Variants in CCDC171 observed in about 807,000 individuals in gnomAD.
The protein encoded by CCDC171 is coiled-coil domain containing 171.
A neutral mutation model predicts 168.2 loss-of-function variants in CCDC171; 177 were observed. The ratio of observed to expected loss-of-function variants is 1.05; its 90% CI spans 0.93 to 1.19. The LOEUF is 1.19. CCDC171 is among the 50% of genes most tolerant of loss of function. The pLI, the probability that CCDC171 is intolerant of heterozygous loss-of-function variation, is 0.00. For missense variants in CCDC171, 1,991 were observed against 1,539.0 expected (o/e 1.29, Z -4.91); for synonymous variants, 687 against 540.8 (o/e 1.27, Z -3.75).
intron 7 of CCDC171, among the ~76,000 whole-genome samples, chr9:15,633,043 A>G (rs1564097199): frequency 6.6e-6 from 1 of 152,198 alleles, no homozygotes; most frequent in Non-Finnish European, 1.5e-5. Flanking sequence ...AAAGACTTAA[A>G]CGTTAGACCT....
At chr9:15,808,345 A>T (rs1014291030) in intron 21 of CCDC171, among the ~76,000 whole-genome samples, 1 of 152,230 alleles carries the variant, frequency 6.6e-6, no homozygotes, top group Non-Finnish European at 1.5e-5. Context: ...GCTTAGATGT[A>T]TGCCTTCAAA....
chr9:15,594,890 C>G (rs953568107), intron 6 of CCDC171, among the ~76,000 whole-genome samples: 3 of 152,084 alleles, frequency 2.0e-5, no homozygotes, highest in Non-Finnish European at 4.4e-5. Context: ...GAAAAAAACC[C>G]ATGAATCAAC....
At chr9:15,991,140 A>G (rs1832182335) in intron 3 of CCDC171, among the ~76,000 whole-genome samples, 1 of 152,206 alleles carries the variant, frequency 6.6e-6, no homozygotes, top group Admixed American at 6.5e-5. Flanking sequence ...TCAGCACCAC[A>G]TCGCACTTAT....
chr9:15,910,359 C>G (rs1823440530), intron 24 of CCDC171, among the ~76,000 whole-genome samples: 1 of 152,074 alleles, frequency 6.6e-6, no homozygotes, highest in South Asian at 2.1e-4. Flanking sequence ...TTGACTTTGT[C>G]AAAGATCAGT....
At chr9:16,008,666 G>A (rs1002487319) in intron 3 of CCDC171, among the ~76,000 whole-genome samples, 3 of 152,074 alleles carry the variant, frequency 2.0e-5, no homozygotes, top group East Asian at 1.9e-4. Flanking sequence ...TCCTTGCATC[G>A]CTGGGCCCCA....
At position 15,654,663 on chromosome 9, in the gene CCDC171, AG is replaced by A. The variant is rs145055943; in HGVS notation, c.823-2459del. Among the ~76,000 whole-genome samples the A allele has an allele frequency of 5.6e-3, 853 of 152,268 alleles. 10 individuals are homozygous for A. Among genetic ancestry groups the A allele is most frequent in the African/African-American group, 0.02 (822 of 41,542 alleles). ...TTGAACATTAATAAAAACTTGGCTA[AG>A]GGGGTGGAGCCAAGATGGCCGAATA... On this transcript the variant is annotated intron_variant, in intron 7 of 25. Transcript: ENST00000380701.
chr9:16,093,927 G>C, the CCDC171 span, among the ~76,000 whole-genome samples: 68 of 152,268 alleles, frequency 4.5e-4, no homozygotes, highest in African/African-American at 1.6e-3. Context: ...AATGTCTCAC[G>C]CTTCTATGGC....
chr9:15,645,406 G>C (rs1010447984), intron 7 of CCDC171, among the ~76,000 whole-genome samples: 2 of 152,210 alleles, frequency 1.3e-5, no homozygotes, highest in African/African-American at 4.8e-5. Flanking sequence ...TTGAGGAGTT[G>C]AGAGAAGAAG....
intron 21 of CCDC171, among the ~76,000 whole-genome samples, chr9:15,830,493 C>A (rs933882721): frequency 6.6e-6 from 1 of 152,156 alleles, no homozygotes; most frequent in Non-Finnish European, 1.5e-5. Flanking sequence ...ATAACAGCTG[C>A]CTGGCCTTTT....
intron 1 of CCDC171, among the ~76,000 whole-genome samples, chr9:16,046,697 G>A (rs186276907): frequency 2.3e-4 from 35 of 152,124 alleles, no homozygotes; most frequent in African/African-American, 7.0e-4. Context: ...GTTTTATAAG[G>A]GGTTTCCCTT....
chr9:15,906,917 T>G (rs1822737131), intron 24 of CCDC171, among the ~76,000 whole-genome samples: 2 of 151,974 alleles, frequency 1.3e-5, no homozygotes, highest in African/African-American at 2.4e-5. Flanking sequence ...TGAACTCCCA[T>G]TCACAATTGC....
chr9:15,646,591 G>T (rs2047059980), intron 7 of CCDC171, among the ~76,000 whole-genome samples: 1 of 151,766 alleles, frequency 6.6e-6, no homozygotes, highest in African/African-American at 2.4e-5. Context: ...AAAAAGTGGG[G>T]GTTGTAATCT....
intron 6 of CCDC171, among the ~76,000 whole-genome samples, chr9:15,602,331 T>A (rs2042915267): frequency 6.9e-6 from 1 of 144,984 alleles, no homozygotes; most frequent in Non-Finnish European, 1.6e-5. Flanking sequence ...TGTTAGTATC[T>A]CATAGTGTTC....
chr9:15,640,437 A>AAATATTATGTATCAT (rs1293635686), intron 7 of CCDC171, among the ~76,000 whole-genome samples: 8 of 152,268 alleles, frequency 5.3e-5, no homozygotes. Context: ...TTAAGATTTA[A>AAATATTATGTATCAT]AATATTATGT....
intron 16 of CCDC171, among the ~76,000 whole-genome samples, chr9:15,732,263 A>G (rs770542512): frequency 6.6e-6 from 1 of 152,030 alleles, no homozygotes; most frequent in African/African-American, 2.4e-5. Flanking sequence ...CCTTACTTCA[A>G]GGTTGGGAAG....
chr9:16,057,856 A>G (rs1408582093), intron 1 of CCDC171, among the ~76,000 whole-genome samples: 2 of 152,206 alleles, frequency 1.3e-5, no homozygotes, highest in Non-Finnish European at 2.9e-5. Flanking sequence ...GCTGCAGGTT[A>G]GCAGGGGCTG....
At chr9:15,626,065 A>T (rs918562707) in intron 7 of CCDC171, among the ~76,000 whole-genome samples, 3 of 152,038 alleles carry the variant, frequency 2.0e-5, no homozygotes, top group Admixed American at 2.0e-4. Flanking sequence ...TAGGTATTTT[A>T]TTCTCTTTGT....
intron 6 of CCDC171, among the ~76,000 whole-genome samples, chr9:15,602,070 A>T (rs432452): frequency 0.53 from 81,185 of 152,042 alleles, 21,940 homozygotes; most frequent in East Asian, 0.75. Context: ...ACGAACAGTA[A>T]CTTGCTTTGC....
intron 23 of CCDC171, among the ~76,000 whole-genome samples, chr9:15,864,824 T>C (rs1352502303): frequency 6.6e-6 from 1 of 152,064 alleles, no homozygotes; most frequent in East Asian, 1.9e-4. Context: ...AAAACTTAGG[T>C]AAAATTGAAA....
Sources: gnomAD v4.1 joint callset for allele counts (sites outside exome capture counted in the v4.1 genomes callset) on GRCh38, gnomAD v4.1.1 for gene constraint, MANE v1.5 for transcripts, NCBI Gene and HGNC (gene_info 2026-07-23, HGNC 2026-07-21) for gene names.